The following TJP1 variants were observed in gnomAD, a reference collection of about 807,000 sequenced individuals.
The protein encoded by TJP1 is tight junction protein 1, also known as tight junction protein ZO-1.
TJP1 carries 43 observed loss-of-function variants against 194.2 expected under a neutral mutation model. That is an observed-to-expected ratio of 0.22 (90% CI 0.17 to 0.29). The LOEUF (loss-of-function observed/expected upper bound fraction) is 0.29, where lower values mean the gene tolerates loss of function less well. TJP1 is among the 10% of genes least tolerant of loss of function. The probability of loss-of-function intolerance (pLI) is 1.00; values close to 1 mark genes in which losing one functional copy is unlikely to be tolerated. For missense variants in TJP1, 1,971 were observed against 2,185.7 expected, an observed-to-expected ratio of 0.90 and a Z score of 1.96; for synonymous variants, 801 against 779.0, an observed-to-expected ratio of 1.03 and a Z score of -0.47.
intron 2 of TJP1, among the ~76,000 whole-genome samples, chr15:29,930,389 T>C (rs1465870110): frequency 6.6e-6 from 1 of 152,202 alleles, no homozygotes; most frequent in African/African-American, 2.4e-5. Context: ...AAGTACAAGT[T>C]ATCCAAGTAA....
In TJP1 at chr15:29,708,828, G is replaced by T; in HGVS notation, c.4581C>A (p.Phe1527Leu). The change falls in exon 25 of 28, where the codon TTC becomes TTA. Residue 1527 changes from phenylalanine (F) to leucine (L), a missense_variant. This residue lies in a region of TJP1 where 1,108 missense variants were observed against 1,128.5 expected (regional missense o/e 0.98). Transcript: ENST00000614355. ...QKTVTPAYNRFTPKPYTSSAR... is the reference protein window; with the variant it reads ...QKTVTPAYNRLTPKPYTSSAR... ...CAGAACTTGTATATGGTTTTGGTGT[G>T]AATCGATTGTATGCTGGAGTGACTG... 1 of 1,614,184 alleles carries T rather than the reference G, an allele frequency of 6.2e-7. No individual in the cohort carries two copies. Among genetic ancestry groups the T allele is most frequent in the Non-Finnish European group, 8.5e-7 (1 of 1,180,036 alleles).
At chr15:29,720,315 T>C (rs925882938) in intron 19 of TJP1, 43 bp downstream of exon 19, 4 of 1,450,106 alleles carry the variant, frequency 2.8e-6, no homozygotes, top group African/African-American at 1.4e-5. Flanking sequence ...TAAAATTTAA[T>C]AATGCACCTC....
chr15:29,820,205 A>C (rs1324858165), intron 1 of TJP1, among the ~76,000 whole-genome samples: 1 of 151,866 alleles, frequency 6.6e-6, no homozygotes, highest in Non-Finnish European at 1.5e-5. Context: ...GGGGAAAACA[A>C]ACGCATCATA....
At position 29,822,174 on chromosome 15, in the gene TJP1, G is replaced by C; in HGVS notation, c.-146C>G. 1 of 1,180,636 alleles carries C rather than the reference G, an allele frequency of 8.5e-7. No homozygotes were observed. The allele number at this position is 1,180,636 out of a possible 1,614,324, so 73.1% of individuals were successfully genotyped here. ...GGGGCGGCCGGAAGGGCCCGGCCCA[G>C]GGGGAGGGAATTCAACTCGGACAAA... On this transcript the variant is annotated 5_prime_UTR_variant, in exon 1 of 28. Coordinates refer to ENST00000614355, the MANE Select transcript of TJP1 (RefSeq NM_001330239.4).
intron 2 of TJP1, among the ~76,000 whole-genome samples, chr15:29,849,944 A>G (rs1356911833): frequency 6.6e-6 from 1 of 152,104 alleles, no homozygotes; most frequent in East Asian, 1.9e-4. Flanking sequence ...TTGGTCATGC[A>G]TGGCCCTGTG....
rs781757100 is a variant in TJP1, at chr15:29,772,129, T to C, written c.247A>G (p.Met83Val). Residue 83 changes from methionine (M) to valine (V), a missense_variant, in exon 4 of 28, where the codon ATG becomes GTG. This residue lies in a region of TJP1 where 245 missense variants were observed against 336.6 expected (regional missense o/e 0.73). Coordinates refer to ENST00000614355, the MANE Select transcript of TJP1 (RefSeq NM_001330239.4). Reference protein sequence around the residue: ...DRVAMVNGVSMDNVEHAFAVQ... With the variant: ...DRVAMVNGVSVDNVEHAFAVQ... Reference sequence around the variant, plus strand: ...GCAAAAGCATGTTCAACATTATCCATTGAAACTCCGTTAACCATTGCAACT... The same window carrying C: ...GCAAAAGCATGTTCAACATTATCCACTGAAACTCCGTTAACCATTGCAACT... 28 of 1,606,398 alleles carry C rather than the reference T, an allele frequency of 1.7e-5. No homozygotes were observed. The highest frequency in any genetic ancestry group is 1.9e-5 in the Non-Finnish European group (22 of 1,177,940).
chr15:29,786,716 G>C (rs45614640), intron 2 of TJP1, among the ~76,000 whole-genome samples: 6,691 of 152,232 alleles, frequency 0.044, 166 homozygotes, highest in South Asian at 0.076. Flanking sequence ...TGCCTCCACT[G>C]GTCTTGAACT....
chr15:29,928,672 G>A (rs1325321868), intron 2 of TJP1, among the ~76,000 whole-genome samples: 1 of 151,992 alleles, frequency 6.6e-6, no homozygotes, highest in Non-Finnish European at 1.5e-5. Context: ...GGCCGGGCAC[G>A]GTGGCTCACG....
At chr15:29,769,897 C>G (rs2046548287) in intron 4 of TJP1, among the ~76,000 whole-genome samples, 1 of 152,142 alleles carries the variant, frequency 6.6e-6, no homozygotes, top group African/African-American at 2.4e-5. Flanking sequence ...AGTGTACTCC[C>G]TCTACTTATT....
chr15:29,949,231 CACT>C (rs2055419128), intron 2 of TJP1, among the ~76,000 whole-genome samples: 1 of 100,490 alleles, frequency 1.0e-5, no homozygotes, highest in Admixed American at 1.0e-4. Context: ...CTTTCACCAC[CACT>C]ACCTCCACCT....
intron 1 of TJP1, among the ~76,000 whole-genome samples, chr15:29,961,334 CTTTT>C (rs5811594): frequency 1.9e-4 from 17 of 89,830 alleles, no homozygotes; most frequent in African/African-American, 6.9e-4. Context: ...TTTCCTAATT[CTTTT>C]TTTTTTTTTT....
chr15:29,845,852 G>T (rs2051387663), intron 2 of TJP1, among the ~76,000 whole-genome samples: 1 of 152,146 alleles, frequency 6.6e-6, no homozygotes, highest in Non-Finnish European at 1.5e-5. Context: ...ATCTAACATA[G>T]TTTTCACTAT....
intron 2 of TJP1, among the ~76,000 whole-genome samples, chr15:29,843,069 AATGCTC>A: frequency 6.6e-6 from 1 of 152,212 alleles, no homozygotes; most frequent in East Asian, 1.9e-4. Flanking sequence ...TATGAGTAAA[AATGCTC>A]ATTTTGTAAC....
chr15:29,800,590 C>G (rs2048717033), intron 2 of TJP1, 56 bp downstream of exon 2: 5 of 1,572,018 alleles, frequency 3.2e-6, no homozygotes, highest in African/African-American at 1.4e-5. Context: ...CTATTGTTTT[C>G]AAAGCTGCCA....
At chr15:29,821,754 C>A (rs1421152939) in intron 1 of TJP1, among the ~76,000 whole-genome samples, 1 of 151,434 alleles carries the variant, frequency 6.6e-6, no homozygotes, top group Non-Finnish European at 1.5e-5. Context: ...ATGCACCTGC[C>A]CAGTACGGCG....
At chr15:29,915,650 G>A (rs1439295199) in intron 2 of TJP1, among the ~76,000 whole-genome samples, 2 of 152,180 alleles carry the variant, frequency 1.3e-5, no homozygotes, top group Non-Finnish European at 2.9e-5. Context: ...ACCTAGAAAA[G>A]AATTTAGAGC....
intron 2 of TJP1, among the ~76,000 whole-genome samples, chr15:29,935,392 T>A (rs2054850933): frequency 6.6e-6 from 1 of 152,216 alleles, no homozygotes; most frequent in South Asian, 2.1e-4. Flanking sequence ...GCCAGGCATT[T>A]TCTTAAAATT....
chr15:29,783,678 G>T (rs2047518553), intron 2 of TJP1, among the ~76,000 whole-genome samples: 4 of 152,182 alleles, frequency 2.6e-5, no homozygotes, highest in Admixed American at 2.6e-4. Context: ...TGGAATGGGA[G>T]GCCATCATCC....
At chr15:29,823,618 A>G (rs1866319855), upstream of TJP1, 1 of 152,350 alleles carries the variant, frequency 6.6e-6, no homozygotes, top group Non-Finnish European at 1.5e-5. Context: ...ATAAGTATCA[A>G]TTAAGGCTTC....
Sources: allele counts gnomAD v4.1 joint callset (sites outside exome capture counted in the v4.1 genomes callset), GRCh38; gene constraint gnomAD v4.1.1; regional missense constraint gnomAD v4.1.1; transcripts MANE v1.5; gene names NCBI Gene and HGNC (gene_info 2026-07-23, HGNC 2026-07-21).